Variants in STRIP2 observed in about 807,000 individuals in gnomAD.
STRIP2 encodes the protein striatin interacting protein 2, also known as striatin-interacting protein 2.
STRIP2 carries 84 observed loss-of-function variants against 107.1 expected under a neutral mutation model. The ratio of observed to expected loss-of-function variants is 0.78; its 90% CI spans 0.66 to 0.94. The LOEUF is 0.94. STRIP2 is among the 40% of genes least tolerant of loss of function. The pLI, the probability that STRIP2 is intolerant of heterozygous loss-of-function variation, is 0.00. For missense variants in STRIP2, 888 were observed against 1,034.2 expected (o/e 0.86, Z 1.94); for synonymous variants, 394 against 400.4 (o/e 0.98, Z 0.19).
chr7:129,482,399 A>G (rs1180651101), intron 19 of STRIP2, among the ~76,000 whole-genome samples: 1 of 70,964 alleles, frequency 1.4e-5, no homozygotes, highest in Non-Finnish European at 2.6e-5. Context: ...TTTTTTTGAG[A>G]CGGAGTCTTG....
intron 3 of STRIP2, among the ~76,000 whole-genome samples, chr7:129,450,806 G>A (rs1685568225): frequency 1.3e-5 from 2 of 151,736 alleles, no homozygotes; most frequent in South Asian, 2.1e-4. Flanking sequence ...TAGGGAATCA[G>A]TGTGTTCCTC....
intron 7 of STRIP2, 142 bp from the exon 8 acceptor site, chr7:129,455,102 G>A: frequency 9.6e-7 from 1 of 1,040,808 alleles, no homozygotes; most frequent in Non-Finnish European, 1.3e-6. Flanking sequence ...TGGGGGCTAA[G>A]CCTCCTTCTC....
intron 18 of STRIP2, among the ~76,000 whole-genome samples, chr7:129,471,434 G>A (rs1235700510): frequency 6.6e-6 from 1 of 152,078 alleles, no homozygotes; most frequent in African/African-American, 2.4e-5. Flanking sequence ...GAATGAAGAG[G>A]TAGTATAATC....
intron 1 of STRIP2, among the ~76,000 whole-genome samples, chr7:129,436,724 C>G (rs1213137414): frequency 6.6e-6 from 1 of 152,062 alleles, no homozygotes; most frequent in Admixed American, 6.6e-5. Flanking sequence ...GGATTTTTTT[C>G]CTCTCTAGGG....
At chr7:129,477,035 C>T (rs1220602413) in intron 18 of STRIP2, among the ~76,000 whole-genome samples, 2 of 151,568 alleles carry the variant, frequency 1.3e-5, no homozygotes, top group African/African-American at 2.4e-5. Flanking sequence ...ACCAGTCAGG[C>T]GTGGCGGCGC....
chr7:129,478,403 G>T (rs1186264777), intron 18 of STRIP2, among the ~76,000 whole-genome samples: 1 of 152,088 alleles, frequency 6.6e-6, no homozygotes, highest in Non-Finnish European at 1.5e-5. Context: ...CCAGCTACTT[G>T]GGAGGCTGAG....
chr7:129,471,036 G>C (rs1039527256), intron 18 of STRIP2, among the ~76,000 whole-genome samples: 1 of 152,162 alleles, frequency 6.6e-6, no homozygotes, highest in African/African-American at 2.4e-5. Flanking sequence ...AATCTCTTCT[G>C]GTCTAGCACA....
At chr7:129,470,248 C>T (rs1443434497) in intron 17 of STRIP2, among the ~76,000 whole-genome samples, 1 of 152,208 alleles carries the variant, frequency 6.6e-6, no homozygotes, top group Non-Finnish European at 1.5e-5. Context: ...TTTCATCCTC[C>T]CATCCTCAGA....
At position 129,454,185 on chromosome 7, in the gene STRIP2, T is replaced by A; in HGVS notation, c.574T>A (p.Ser192Thr). ...CAGTGCCCTTCGGAAACCAGCTGTCTCCATAGCTGATAGCACAGAGCTCAG... is the reference window on the plus strand; with the variant it reads ...CAGTGCCCTTCGGAAACCAGCTGTCACCATAGCTGATAGCACAGAGCTCAG... ...CSSALRKPAV[S>T]IADSTELRVL... The change falls in exon 6 of 21, where the codon TCC becomes ACC. Residue 192 changes from serine (S) to threonine (T), a missense_variant. By Grantham distance (58) the Ser-to-Thr change is moderately conservative. Coordinates refer to ENST00000249344, the MANE Select transcript of STRIP2 (RefSeq NM_020704.3). 1 of 1,614,176 alleles carries A rather than the reference T, an allele frequency of 6.2e-7. No individual in the cohort carries two copies. Among genetic ancestry groups the A allele is most frequent in the Non-Finnish European group, 8.5e-7 (1 of 1,180,030 alleles).
intron 1 of STRIP2, among the ~76,000 whole-genome samples, chr7:129,435,557 G>A (rs776162384): frequency 6.6e-6 from 1 of 152,156 alleles, no homozygotes; most frequent in Non-Finnish European, 1.5e-5. Context: ...ACCAGGTTTT[G>A]ACTCCTAGCC....
chr7:129,456,413 C>G (rs777704383), intron 8 of STRIP2, 26 bp from the exon 9 acceptor site: 1 of 1,608,414 alleles, frequency 6.2e-7, no homozygotes, highest in Non-Finnish European at 8.5e-7. Flanking sequence ...TCCTCTCTCT[C>G]TGCCCCTTTC....
chr7:129,455,464 G>C (rs1798321248), intron 8 of STRIP2, 93 bp downstream of exon 8: 10 of 1,498,638 alleles, frequency 6.7e-6, no homozygotes, highest in Non-Finnish European at 8.0e-6. Flanking sequence ...GCTGGATCCA[G>C]GGAGCAGAAC....
intron 1 of STRIP2, among the ~76,000 whole-genome samples, chr7:129,438,889 A>T (rs1179651427): frequency 6.6e-6 from 1 of 152,196 alleles, no homozygotes; most frequent in Non-Finnish European, 1.5e-5. Context: ...GATGCGAAGG[A>T]CGAAGTATGG....
Position 129,458,896 on chromosome 7 carries a change from C to A in STRIP2, c.1340+119C>A. On this transcript the variant is annotated intron_variant, in intron 11 of 20. Transcript: ENST00000249344. The surrounding 1 kb of genome is among the most constrained non-coding windows in gnomAD (Gnocchi z 4.6). ...ATAATGTAACCTAGAGCCCCTAGGCCATGGACAACTCCCAGTGACTACTTT... is the reference window on the plus strand; with the variant it reads ...ATAATGTAACCTAGAGCCCCTAGGCAATGGACAACTCCCAGTGACTACTTT... The A allele has an allele frequency of 1.1e-6, 1 of 887,302 alleles. No homozygotes were observed. Among genetic ancestry groups the A allele is most frequent in the Non-Finnish European group, 1.8e-6 (1 of 548,268 alleles). The allele number at this position is 887,302 out of a possible 1,614,324, so 55.0% of individuals were successfully genotyped here.
intron 8 of STRIP2, among the ~76,000 whole-genome samples, chr7:129,456,061 CCTCTTGACTGCAGAGGAAATTGAGTGA>C (rs1163138491): frequency 6.6e-6 from 1 of 152,032 alleles, no homozygotes; most frequent in African/African-American, 2.4e-5. Flanking sequence ...GGGGGAACTG[CCTCTTGACTGCAGAGGAAATTGAGTGA>C]CTCTGGGGGT....
intron 3 of STRIP2, among the ~76,000 whole-genome samples, chr7:129,450,051 T>C (rs191569577): frequency 6.6e-6 from 1 of 152,324 alleles, no homozygotes; most frequent in African/African-American, 2.4e-5. Flanking sequence ...TGCATTTATT[T>C]TGCATAACTC....
chr7:129,435,886 T>G (rs974753243), intron 1 of STRIP2, among the ~76,000 whole-genome samples: 2 of 152,224 alleles, frequency 1.3e-5, no homozygotes, highest in Non-Finnish European at 2.9e-5. Flanking sequence ...CAAAGTGATT[T>G]CATGTATGCT....
chr7:129,458,617 C>A lies in STRIP2; in HGVS notation c.1275-95C>A. 1 of 1,421,116 alleles carries A rather than the reference C, an allele frequency of 7.0e-7. No homozygotes were observed. Among genetic ancestry groups the A allele is most frequent in the Non-Finnish European group, 9.9e-7 (1 of 1,014,594 alleles). 88.0% of individuals were successfully genotyped at this position (1,421,116 alleles called of 1,614,324 possible). On this transcript the variant is annotated intron_variant, in intron 10 of 20. Transcript: ENST00000249344. The surrounding 1 kb of genome is among the most constrained non-coding windows in gnomAD (Gnocchi z 4.6). ...GCTGCCTTTTTCCACTGCTCCAGTC[C>A]TCTGATTGGAGGGATAGGAGCCCGG...
intron 18 of STRIP2, among the ~76,000 whole-genome samples, chr7:129,472,922 G>T (rs2151013184): frequency 6.6e-6 from 1 of 151,498 alleles, no homozygotes; most frequent in African/African-American, 2.4e-5. Flanking sequence ...GAGTAGCGGG[G>T]ACTACAGGCA....
Sources: gnomAD v4.1 joint callset for allele counts (sites outside exome capture counted in the v4.1 genomes callset) on GRCh38, gnomAD v4.1.1 for gene constraint, Gnocchi (gnomAD v3.1) non-coding constraint, MANE v1.5 for transcripts, NCBI Gene and HGNC (gene_info 2026-07-23, HGNC 2026-07-21) for gene names.